Variants in FOXN3 observed in about 807,000 individuals in gnomAD.
FOXN3 encodes the protein forkhead box protein N3.
In FOXN3, 7 loss-of-function variants were observed where a neutral mutation model predicts 38.4. The observed-to-expected ratio is 0.18, with a 90% CI of 0.10 to 0.34. The LOEUF is 0.34. Ranked by LOEUF, FOXN3 falls within the 10% of genes least tolerant of loss-of-function variation. The probability of loss-of-function intolerance (pLI) is 1.00; values close to 1 mark genes in which losing one functional copy is unlikely to be tolerated. For missense variants in FOXN3, 456 were observed against 613.4 expected (o/e 0.74, Z 2.71); for synonymous variants, 230 against 242.2 (o/e 0.95, Z 0.47).
At chr14:89,574,214 C>T (rs78026411) in intron 1 of FOXN3, among the ~76,000 whole-genome samples, 4 of 152,290 alleles carry the variant, frequency 2.6e-5, no homozygotes, top group East Asian at 3.9e-4. Context: ...AGACCCCCAC[C>T]TCTTCCTGGC....
At chr14:89,315,415 TC>T (rs1188954543) in intron 3 of FOXN3, among the ~76,000 whole-genome samples, 1 of 152,088 alleles carries the variant, frequency 6.6e-6, no homozygotes, top group African/African-American at 2.4e-5. Flanking sequence ...CAATAGTCCA[TC>T]AGCTCACCCT....
intron 1 of FOXN3, among the ~76,000 whole-genome samples, chr14:89,512,283 T>C (rs1323801958): frequency 6.6e-6 from 1 of 152,178 alleles, no homozygotes; most frequent in Non-Finnish European, 1.5e-5. Context: ...AGATTAACAG[T>C]AGAAAACGCA....
At chr14:89,246,642 C>T (rs1885308610) in intron 4 of FOXN3, among the ~76,000 whole-genome samples, 1 of 141,294 alleles carries the variant, frequency 7.1e-6, no homozygotes, top group Non-Finnish European at 1.5e-5. Flanking sequence ...TGGGTTCAAG[C>T]AATTCTCTGC....
intron 1 of FOXN3, among the ~76,000 whole-genome samples, chr14:89,555,084 C>A (rs1278583200): frequency 1.3e-5 from 2 of 151,622 alleles, no homozygotes; most frequent in Admixed American, 1.3e-4. Flanking sequence ...AGCCACCACA[C>A]TCAGCCAAAT....
chr14:89,173,514 A>G (rs1224037044), intron 5 of FOXN3, among the ~76,000 whole-genome samples: 5 of 152,236 alleles, frequency 3.3e-5, no homozygotes, highest in Non-Finnish European at 7.3e-5. Flanking sequence ...ACTGCTTGTA[A>G]TATCAAAGAA....
rs142055992 is a variant in FOXN3 at position 89,334,611 on chromosome 14, CATAAAATAAA to C, written c.680+16051_680+16060del. Reference sequence around the variant, plus strand: ...GGTGAGAGAACAAGACTTCATCAAACATAAAATAAAATAAAATAAAATAAAAGCCCTAGAG... The same window carrying C: ...GGTGAGAGAACAAGACTTCATCAAACATAAAATAAAATAAAAGCCCTAGAG... On this transcript the variant is annotated intron_variant, in intron 3 of 5. Transcript: ENST00000557258. 1.8e-3 allele frequency among the ~76,000 whole-genome samples: 270 copies of C among 147,698 alleles called. 3 individuals carry two copies. The highest frequency in any genetic ancestry group is 4.9e-3 in the South Asian group (22 of 4,464).
At chr14:89,381,113 GC>G (rs1402622471) in intron 2 of FOXN3, among the ~76,000 whole-genome samples, 1 of 121,210 alleles carries the variant, frequency 8.3e-6, no homozygotes, top group African/African-American at 3.0e-5. Flanking sequence ...TTGCACTCCA[GC>G]CTGGGCAACA....
At chr14:89,406,191 C>T (rs1235957147) in intron 2 of FOXN3, among the ~76,000 whole-genome samples, 1 of 151,894 alleles carries the variant, frequency 6.6e-6, no homozygotes, top group Non-Finnish European at 1.5e-5. Context: ...AAGTCATCTG[C>T]TTGCCTCGGC....
chr14:89,304,388 G>A (rs768657333), intron 3 of FOXN3, among the ~76,000 whole-genome samples: 8 of 152,126 alleles, frequency 5.3e-5, no homozygotes, highest in Non-Finnish European at 5.9e-5. Context: ...GCAGAACCGC[G>A]GTGAAGACAG....
chr14:89,495,977 G>T (rs1028150086), intron 1 of FOXN3, among the ~76,000 whole-genome samples: 1 of 152,196 alleles, frequency 6.6e-6, no homozygotes, highest in Admixed American at 6.5e-5. Flanking sequence ...CACTTTAGGA[G>T]GCTGAAGCGG....
chr14:89,237,391 TA>T (rs1222287645), intron 4 of FOXN3, among the ~76,000 whole-genome samples: 6 of 152,302 alleles, frequency 3.9e-5, no homozygotes, highest in African/African-American at 1.4e-4. Flanking sequence ...CATGAGAATG[TA>T]AAATGGTACA....
In FOXN3 at chr14:89,162,804, T is replaced by TGAG. The variant is rs747219009; in HGVS notation, c.1014_1016dup (p.Ser339dup). On this transcript the variant is annotated inframe_insertion, in exon 6 of 6. Coordinates refer to ENST00000557258, the MANE Select transcript of FOXN3 (RefSeq NM_005197.4). The surrounding 1 kb of genome is among the most constrained non-coding windows in gnomAD (Gnocchi z 7.2). ...TGGCAAACTCATAGTGGTCGTCGGC[T>TGAG]GAGGAGGAGGAGGAGGAGATGGAGT... 42 of 1,609,970 alleles carry TGAG rather than the reference T, an allele frequency of 2.6e-5. No homozygotes were observed. The highest frequency in any genetic ancestry group is 1.8e-4 in the South Asian group (16 of 90,802).
chr14:89,601,826 T>C (rs75514325), intron 1 of FOXN3, among the ~76,000 whole-genome samples: 11,321 of 152,172 alleles, frequency 0.074, 897 homozygotes, highest in African/African-American at 0.2. Context: ...CAGGGTCTTA[T>C]CTCCCTACAT....
chr14:89,605,270 T>C (rs1425498423), intron 1 of FOXN3, among the ~76,000 whole-genome samples: 8 of 152,136 alleles, frequency 5.3e-5, no homozygotes, highest in African/African-American at 1.9e-4. Context: ...GGTCCTTGCA[T>C]TGTTTGAGAG....
intron 1 of FOXN3, among the ~76,000 whole-genome samples, chr14:89,522,665 G>T (rs2139823630): frequency 6.6e-6 from 1 of 151,780 alleles, no homozygotes; most frequent in East Asian, 1.9e-4. Context: ...ATAGTTCAAA[G>T]GTAGACAGTA....
At chr14:89,226,660 G>C (rs1884650015) in intron 4 of FOXN3, among the ~76,000 whole-genome samples, 1 of 152,104 alleles carries the variant, frequency 6.6e-6, no homozygotes, top group Non-Finnish European at 1.5e-5. Flanking sequence ...CATGTGTTCA[G>C]GTCCTAACCA....
chr14:89,420,749 G>A (rs144660930), upstream of FOXN3, among the ~76,000 whole-genome samples: 49 of 152,198 alleles, frequency 3.2e-4, no homozygotes, highest in Non-Finnish European at 5.7e-4. Context: ...ACAGATTAGT[G>A]GGTAAGAGTG....
rs575606598 is a variant in FOXN3, at chr14:89,261,713, AG to A, written c.745+19236del. On this transcript the variant is annotated intron_variant, in intron 4 of 5. Coordinates refer to ENST00000557258, the MANE Select transcript of FOXN3 (RefSeq NM_005197.4). ...GGGAGGCTGAGGCGGGCGGATCACG[AG>A]GTCAGGAGATCGAGACCATCCTGGC... Among the ~76,000 whole-genome samples, 33 of 152,094 alleles carry A rather than the reference AG, an allele frequency of 2.2e-4. 1 individual carries two copies. The highest frequency in any genetic ancestry group is 6.5e-4 in the African/African-American group (27 of 41,504).
At chr14:89,352,904 G>C (rs1566963931) in intron 2 of FOXN3, among the ~76,000 whole-genome samples, 1 of 152,206 alleles carries the variant, frequency 6.6e-6, no homozygotes, top group Non-Finnish European at 1.5e-5. Flanking sequence ...AAGCTAAGCA[G>C]ATTGAACCCA....
Sources: gnomAD v4.1 joint callset for allele counts (sites outside exome capture counted in the v4.1 genomes callset) on GRCh38, gnomAD v4.1.1 for gene constraint, Gnocchi (gnomAD v3.1) non-coding constraint, MANE v1.5 for transcripts, NCBI Gene and HGNC (gene_info 2026-07-23, HGNC 2026-07-21) for gene names.